Variants in GAL observed in about 807,000 individuals in gnomAD.
GAL encodes the protein galanin and GMAP prepropeptide.
A neutral mutation model predicts 15.8 loss-of-function variants in GAL; 14 were observed. The ratio of observed to expected loss-of-function variants is 0.89; its 90% CI spans 0.59 to 1.39. The LOEUF is 1.39. Ranked by LOEUF, GAL falls within the 40% of genes most tolerant of loss-of-function variation. The pLI is 0.00. For missense variants in GAL, 176 were observed against 170.4 expected (o/e 1.03, Z -0.18); for synonymous variants, 79 against 73.8 (o/e 1.07, Z -0.36).
intron 3 of GAL, among the ~76,000 whole-genome samples, chr11:68,687,034 A>C (rs556714185): frequency 6.6e-6 from 1 of 152,318 alleles, no homozygotes; most frequent in South Asian, 2.1e-4. Flanking sequence ...ATCTGCTAGA[A>C]ATGCAGCAAA....
chr11:68,687,645 C>T (rs1945866251), intron 3 of GAL, among the ~76,000 whole-genome samples: 1 of 152,224 alleles, frequency 6.6e-6, no homozygotes, highest in Non-Finnish European at 1.5e-5. Flanking sequence ...CTGTTGTCTG[C>T]CAGGGAGTCA....
At chr11:68,687,361 T>C (rs993376855) in intron 3 of GAL, among the ~76,000 whole-genome samples, 2 of 152,084 alleles carry the variant, frequency 1.3e-5, no homozygotes, top group African/African-American at 4.8e-5. Flanking sequence ...TTCCCTGGAA[T>C]TCTGGGATCT....
At chr11:68,686,717 C>G (rs1354903255) in intron 3 of GAL, among the ~76,000 whole-genome samples, 1 of 152,166 alleles carries the variant, frequency 6.6e-6, no homozygotes, top group Non-Finnish European at 1.5e-5. Flanking sequence ...CTCATCCTCT[C>G]CCTGCCCATG....
In GAL at chr11:68,685,646, C is replaced by A; in HGVS notation, c.134C>A (p.Pro45Gln). 6.2e-7 allele frequency: 1 copy of A among 1,610,548 alleles called. No homozygotes were observed. Among genetic ancestry groups the A allele is most frequent in the Non-Finnish European group, 8.5e-7 (1 of 1,176,856 alleles). Residue 45 changes from proline (P) to glutamine (Q), a missense_variant and splice_region_variant, in exon 3 of 6, where the codon CCA becomes CAA. Transcript: ENST00000265643. ...TLNSAGYLLG[P>Q]HAVGNHRSFS... is the part of the protein sequence containing the mutation. ...AACAGCGCGGGCTACCTGCTGGGCCCACGTAAGTGACTGACAGCATGGCCT... is the reference window on the plus strand; with the variant it reads ...AACAGCGCGGGCTACCTGCTGGGCCAACGTAAGTGACTGACAGCATGGCCT...
intron 3 of GAL, among the ~76,000 whole-genome samples, chr11:68,687,712 G>A (rs190448419): frequency 2.0e-4 from 31 of 152,242 alleles, no homozygotes; most frequent in Admixed American, 4.6e-4. Flanking sequence ...GGACCCAGGC[G>A]CAACCCCTGC....
chr11:68,689,505 T>C (rs996268558), intron 5 of GAL, among the ~76,000 whole-genome samples: 1 of 152,136 alleles, frequency 6.6e-6, no homozygotes, highest in African/African-American at 2.4e-5. Context: ...CAAGTGATTC[T>C]CGTGCCTCTT....
In GAL at chr11:68,688,060, C is replaced by T. The variant is rs745364726; in HGVS notation, c.183C>T (p.Thr61=). 1 of 1,613,244 alleles carries T rather than the reference C, an allele frequency of 6.2e-7. No individual in the cohort carries two copies. Among genetic ancestry groups the T allele is most frequent in the Non-Finnish European group, 8.5e-7 (1 of 1,179,378 alleles). Residue 61 remains threonine, a synonymous_variant, in exon 4 of 6, where the codon ACC becomes ACT. Coordinates refer to ENST00000265643, the MANE Select transcript of GAL (RefSeq NM_015973.5). Reference sequence around the variant, plus strand: ...CATTCAGCGACAAGAATGGCCTCACCAGCAAGCGGGAGCTGCGGCCCGAAG... The same window carrying T: ...CATTCAGCGACAAGAATGGCCTCACTAGCAAGCGGGAGCTGCGGCCCGAAG... ...HRSFSDKNGL[T]SKRELRPEDD... is the part of the protein sequence containing the mutation.
chr11:68,688,516 C>A (rs1945875593), intron 4 of GAL, among the ~76,000 whole-genome samples: 1 of 152,208 alleles, frequency 6.6e-6, no homozygotes, highest in South Asian at 2.1e-4. Flanking sequence ...GTCATCCCAG[C>A]TACTTGGGAG....
At chr11:68,688,989 T>C in intron 5 of GAL, 63 bp downstream of exon 5, 12 of 806,368 alleles carry the variant, frequency 1.5e-5, no homozygotes, top group Admixed American at 3.8e-5. Flanking sequence ...AAAAGGCCCA[T>C]CGAGAAGAGA....
chr11:68,685,266 C>A (rs938994083), intron 2 of GAL, among the ~76,000 whole-genome samples: 52 of 152,244 alleles, frequency 3.4e-4, no homozygotes, highest in African/African-American at 1.2e-3. Flanking sequence ...GTCAGCGCCT[C>A]GGGAAAGCGA....
intron 3 of GAL, among the ~76,000 whole-genome samples, chr11:68,687,139 T>G (rs1594274718): frequency 6.6e-6 from 1 of 152,092 alleles, no homozygotes; most frequent in East Asian, 1.9e-4. Context: ...CTCTATAAAT[T>G]TAGCACCAAG....
chr11:68,685,914 C>G (rs1159083850), intron 3 of GAL, among the ~76,000 whole-genome samples: 1 of 152,200 alleles, frequency 6.6e-6, no homozygotes, highest in Non-Finnish European at 1.5e-5. Flanking sequence ...GCCTTGCAGT[C>G]CTTACAGGCC....
chr11:68,689,506 C>T lies in GAL; in HGVS notation c.301+580C>T, dbSNP rs138877012. 4.6e-5 allele frequency among the ~76,000 whole-genome samples: 7 copies of T among 152,162 alleles called. No homozygotes were observed. In the East Asian group the frequency reaches 1.2e-3, roughly 25 times the overall value. On this transcript the variant is annotated intron_variant, in intron 5 of 5. Transcript: ENST00000265643. ...CTGCCTCCTGGGCTCAAGTGATTCT[C>T]GTGCCTCTTCTTCCCAGGTAGCTGG... is the stretch of plus-strand genomic sequence containing the variant.
rs528596322 is a variant in GAL, at chr11:68,685,051, G to A, written c.81+47G>A. The A allele has an allele frequency of 7.7e-6, 10 of 1,303,164 alleles. No individual in the cohort carries two copies. The Admixed American group carries it at 1.5e-4, about 20-fold the overall frequency. The allele number at this position is 1,303,164 out of a possible 1,614,324, so 80.7% of individuals were successfully genotyped here. On this transcript the variant is annotated intron_variant, in intron 2 of 5. Transcript: ENST00000265643. ...TCCGAGCGAAGGGGACATCAGAGCC[G>A]GCCGGGCGTGGAGGGCTTCCTGGAG...
intron 2 of GAL, among the ~76,000 whole-genome samples, chr11:68,685,347 C>T (rs894147937): frequency 2.0e-5 from 3 of 152,268 alleles, no homozygotes; most frequent in Non-Finnish European, 4.4e-5. Context: ...CTCAGCGTCA[C>T]TAAAGCAGGT....
In GAL at chr11:68,684,917, C is replaced by T. The variant is rs991736017; in HGVS notation, c.1-7C>T. The T allele has an allele frequency of 1.9e-6, 3 of 1,598,312 alleles. No homozygotes were observed. The African/African-American group carries it at 4.0e-5, about 21-fold the overall frequency. On this transcript the variant is annotated splice_polypyrimidine_tract_variant and splice_region_variant and intron_variant, in intron 1 of 5. Transcript: ENST00000265643. ...TCCGACCCGCCCGCCCTGTCCTTCCCTTCCAGATGGCCCGAGGCAGCGCCC... is the reference window on the plus strand; with the variant it reads ...TCCGACCCGCCCGCCCTGTCCTTCCTTTCCAGATGGCCCGAGGCAGCGCCC...
chr11:68,686,167 G>A (rs1177064009), intron 3 of GAL, among the ~76,000 whole-genome samples: 1 of 152,118 alleles, frequency 6.6e-6, no homozygotes, highest in African/African-American at 2.4e-5. Context: ...GTTGTCACCT[G>A]TGTCAGCGGT....
chr11:68,684,765 CG>C, intron 1 of GAL, 33 bp downstream of exon 1: 1 of 524,260 alleles, frequency 1.9e-6, no homozygotes, highest in Admixed American at 3.4e-5. Flanking sequence ...CCTGCGCCCC[CG>C]GGAGGCCTCC....
intron 3 of GAL, among the ~76,000 whole-genome samples, chr11:68,685,914 C>T (rs1159083850): frequency 6.6e-6 from 1 of 152,200 alleles, no homozygotes; most frequent in Non-Finnish European, 1.5e-5. Flanking sequence ...GCCTTGCAGT[C>T]CTTACAGGCC....
Sources: gnomAD v4.1 joint callset for allele counts (sites outside exome capture counted in the v4.1 genomes callset) on GRCh38, gnomAD v4.1.1 for gene constraint, MANE v1.5 for transcripts, NCBI Gene and HGNC (gene_info 2026-07-23, HGNC 2026-07-21) for gene names.